Variants in C3orf70 observed in about 807,000 individuals in gnomAD.
C3orf70 encodes chromosome 3 open reading frame 70.
C3orf70 carries 15 observed loss-of-function variants against 20.7 expected under a neutral mutation model. That is an observed-to-expected ratio of 0.72 (90% CI 0.48 to 1.11). C3orf70 has a LOEUF of 1.11. Ranked by LOEUF, C3orf70 falls within the 50% of genes most tolerant of loss-of-function variation. The pLI, the probability that C3orf70 is intolerant of heterozygous loss-of-function variation, is 0.00. For synonymous variants in C3orf70, 161 were observed against 125.7 expected, an observed-to-expected ratio of 1.28 and a Z score of -1.88; for missense variants, 332 against 317.6, an observed-to-expected ratio of 1.05 and a Z score of -0.34.
chr3:185,082,424 C>A lies in C3orf70; in HGVS notation c.*583G>T, dbSNP rs1561322432. Reference sequence around the variant, plus strand: ...CGGAGCCTTGTACAGACACTGGCCACAAACCATGGGCTGAGCTGGCCTCCA... The same window carrying A: ...CGGAGCCTTGTACAGACACTGGCCAAAAACCATGGGCTGAGCTGGCCTCCA... On this transcript the variant is annotated 3_prime_UTR_variant, in exon 2 of 2. Coordinates refer to ENST00000335012, the MANE Select transcript of C3orf70 (RefSeq NM_001025266.3). 6.5e-6 allele frequency: 1 copy of A among 154,620 alleles called. No homozygotes were observed. The allele number at this position is 154,620 out of a possible 1,614,324, so 9.6% of individuals were successfully genotyped here.
At position 185,078,091 on chromosome 3, in the gene C3orf70, G is replaced by A. The variant is rs1339636220; in HGVS notation, c.*4916C>T. 2 of 152,562 alleles carry A rather than the reference G, an allele frequency of 1.3e-5. No individual in the cohort carries two copies. The highest frequency in any genetic ancestry group is 2.9e-5 in the Non-Finnish European group (2 of 68,034). 9.5% of individuals were successfully genotyped at this position (152,562 alleles called of 1,614,324 possible). A position where few individuals can be genotyped will look rare whatever the true frequency, so the allele number is the denominator to read the frequency against. On this transcript the variant is annotated 3_prime_UTR_variant, in exon 2 of 2. Coordinates refer to ENST00000335012, the MANE Select transcript of C3orf70 (RefSeq NM_001025266.3). ...AAAAAAAATCACGTTTATTTTACAA[G>A]GCAGTTATTTTCCTAAAGTGTTACA...
rs1208570040 is a variant in C3orf70 at position 185,120,218 on chromosome 3, A to C, written c.196+32410T>G. ...CATGTAAGACTATGTAAGTCCTAGA[A>C]AGAAGCAAATTTTGAAAATTATTCA... is the stretch of plus-strand genomic sequence containing the variant. On this transcript the variant is annotated intron_variant, in intron 1 of 1. Transcript: ENST00000335012. Among the ~76,000 whole-genome samples, 3 of 152,126 alleles carry C rather than the reference A, an allele frequency of 2.0e-5. No homozygotes were observed. In the East Asian group the frequency reaches 5.8e-4, roughly 29 times the overall value.
chr3:185,137,792 GAA>G (rs1207780640), intron 1 of C3orf70, among the ~76,000 whole-genome samples: 3 of 151,972 alleles, frequency 2.0e-5, no homozygotes, highest in African/African-American at 7.2e-5. Flanking sequence ...ATATTAGAAA[GAA>G]TAAAAGCCTC....
At chr3:185,096,686 C>T (rs893676620) in intron 1 of C3orf70, among the ~76,000 whole-genome samples, 1 of 152,186 alleles carries the variant, frequency 6.6e-6, no homozygotes, top group African/African-American at 2.4e-5. Flanking sequence ...TCCAGCCATG[C>T]ACCCAGAACG....
intron 1 of C3orf70, among the ~76,000 whole-genome samples, chr3:185,147,953 T>C (rs1296819318): frequency 6.6e-6 from 1 of 152,228 alleles, no homozygotes; most frequent in Non-Finnish European, 1.5e-5. Context: ...ATACTCTTTC[T>C]TGAAACACTA....
At chr3:185,083,744 T>C (rs9865058) in intron 1 of C3orf70, among the ~76,000 whole-genome samples, 181 bp from the exon 2 acceptor site, 91,075 of 152,052 alleles carry the variant, frequency 0.6, 28,446 homozygotes, top group East Asian at 0.78. Context: ...TATATAATAA[T>C]TTTCATCTAA....
chr3:185,116,319 G>A lies in C3orf70; in HGVS notation c.197-32756C>T, dbSNP rs182599284. Among the ~76,000 whole-genome samples, 5 of 152,232 alleles carry A rather than the reference G, an allele frequency of 3.3e-5. No homozygotes were observed. The East Asian group carries it at 7.7e-4, about 24-fold the overall frequency. On this transcript the variant is annotated intron_variant, in intron 1 of 1. Coordinates refer to ENST00000335012, the MANE Select transcript of C3orf70 (RefSeq NM_001025266.3). ...GGAATACGAAGATGATGTGTTTAAC[G>A]TCATTTGGCAATGTTTAGAATGAAT...
intron 1 of C3orf70, among the ~76,000 whole-genome samples, chr3:185,122,304 TAG>T (rs1716319217): frequency 6.6e-6 from 1 of 152,084 alleles, no homozygotes; most frequent in African/African-American, 2.4e-5. Context: ...AACCTAACAA[TAG>T]AGTCTCAGAA....
Position 185,077,963 on chromosome 3 carries a change from AGG to A in C3orf70, c.*5042_*5043del. The A allele has an allele frequency of 6.6e-6, 1 of 152,520 alleles. No individual in the cohort carries two copies. Among genetic ancestry groups the A allele is most frequent in the Middle Eastern group, 3.4e-3 (1 of 294 alleles). The allele number at this position is 152,520 out of a possible 1,614,324, so 9.4% of individuals were successfully genotyped here. ...GGCCATACGCTATTTCCTAGCACGT[AGG>A]AAAGACCTGATATATAAATGTTTCA... On this transcript the variant is annotated 3_prime_UTR_variant, in exon 2 of 2. Transcript: ENST00000335012.
chr3:185,094,966 T>C (rs1177929847), intron 1 of C3orf70, among the ~76,000 whole-genome samples: 8 of 152,080 alleles, frequency 5.3e-5, no homozygotes, highest in African/African-American at 2.4e-5. Flanking sequence ...CTCTGCAGTG[T>C]AGGAAAACAG....
At chr3:185,139,480 G>A (rs1716700788) in intron 1 of C3orf70, among the ~76,000 whole-genome samples, 1 of 150,816 alleles carries the variant, frequency 6.6e-6, no homozygotes, top group South Asian at 2.1e-4. Flanking sequence ...TTGAACCCAG[G>A]AGGCAGAGGT....
intron 1 of C3orf70, among the ~76,000 whole-genome samples, chr3:185,134,263 T>C (rs752643774): frequency 1.3e-5 from 2 of 152,092 alleles, no homozygotes; most frequent in African/African-American, 2.4e-5. Flanking sequence ...CATGAAAACT[T>C]TTACCTATTC....
chr3:185,112,424 G>A (rs1257297337), intron 1 of C3orf70, among the ~76,000 whole-genome samples: 4 of 152,172 alleles, frequency 2.6e-5, no homozygotes, highest in African/African-American at 9.7e-5. Context: ...AATTTCACTA[G>A]TTTTGCTTTC....
In C3orf70 at chr3:185,152,629, G is replaced by A. The variant is rs1040605639; in HGVS notation, c.195C>T (p.His65=). 4 of 1,565,664 alleles carry A rather than the reference G, an allele frequency of 2.6e-6. No homozygotes were observed. Among genetic ancestry groups the A allele is most frequent in the Admixed American group, 1.8e-5 (1 of 55,680 alleles). ...LHWCCHLGWC[H]CKYMYQPMTP... Reference sequence around the variant, plus strand: ...GCGGGAAGACGCGGCTCGACTTACAGTGACACCATCCTAGGTGACAGCACC... The same window carrying A: ...GCGGGAAGACGCGGCTCGACTTACAATGACACCATCCTAGGTGACAGCACC... Residue 65 remains histidine (H), a splice_region_variant and synonymous_variant, in exon 1 of 2, where the codon CAC becomes CAT. Transcript: ENST00000335012.
intron 1 of C3orf70, among the ~76,000 whole-genome samples, chr3:185,105,933 G>A (rs1715928429): frequency 6.6e-6 from 1 of 152,178 alleles, no homozygotes; most frequent in Admixed American, 6.5e-5. Context: ...GGAGGAAGGA[G>A]AGTATAGCAA....
At chr3:185,100,626 A>G (rs745408285) in intron 1 of C3orf70, among the ~76,000 whole-genome samples, 4 of 152,166 alleles carry the variant, frequency 2.6e-5, no homozygotes, top group African/African-American at 7.2e-5. Flanking sequence ...TCACAACTAA[A>G]TGAACTAGAA....
At chr3:185,137,682 A>C (rs1716655521) in intron 1 of C3orf70, among the ~76,000 whole-genome samples, 1 of 152,260 alleles carries the variant, frequency 6.6e-6, no homozygotes, top group African/African-American at 2.4e-5. Flanking sequence ...GGAAATCAAA[A>C]GTTACATGGA....
At chr3:185,149,173 A>G (rs1230774783) in intron 1 of C3orf70, among the ~76,000 whole-genome samples, 1 of 152,186 alleles carries the variant, frequency 6.6e-6, no homozygotes, top group Non-Finnish European at 1.5e-5. Flanking sequence ...CAAGCGGATC[A>G]CCTGAGGTCA....
chr3:185,103,213 C>T (rs1346616912), intron 1 of C3orf70, among the ~76,000 whole-genome samples: 1 of 152,132 alleles, frequency 6.6e-6, no homozygotes, highest in African/African-American at 2.4e-5. Context: ...CCACTGCATA[C>T]CAGCCTGGGC....
Sources: gnomAD v4.1 joint callset for allele counts (sites outside exome capture counted in the v4.1 genomes callset) on GRCh38, gnomAD v4.1.1 for gene constraint, MANE v1.5 for transcripts, NCBI Gene and HGNC (gene_info 2026-07-23, HGNC 2026-07-21) for gene names.